ZNF385D: variants seen among roughly 807,000 people sequenced by gnomAD.
The protein encoded by ZNF385D is zinc finger protein 385D.
Under a neutral mutation model 35.8 loss-of-function variants are expected in ZNF385D, and 15 were observed. That is an observed-to-expected ratio of 0.42 (90% CI 0.28 to 0.64). ZNF385D has a LOEUF of 0.64. ZNF385D is among the 30% of genes least tolerant of loss of function. ZNF385D has a pLI of 0.23. For synonymous variants in ZNF385D, 212 were observed against 186.8 expected (o/e 1.13, Z -1.10); for missense variants, 474 against 494.6 (o/e 0.96, Z 0.39).
chr3:21,707,397 T>A (rs1257957732), intron 1 of ZNF385D, among the ~76,000 whole-genome samples: 5 of 152,176 alleles, frequency 3.3e-5, no homozygotes, highest in Non-Finnish European at 5.9e-5. Flanking sequence ...ACCGTTTAAC[T>A]TTGAAGTGTT....
intron 2 of ZNF385D, among the ~76,000 whole-genome samples, chr3:22,272,970 A>G (rs1448446158): frequency 6.6e-6 from 1 of 151,950 alleles, no homozygotes; most frequent in Admixed American, 6.6e-5. Context: ...TCACTTTCAT[A>G]TTTATTACTA....
intron 3 of ZNF385D, among the ~76,000 whole-genome samples, chr3:21,939,075 A>G (rs972411007): frequency 1.3e-5 from 2 of 152,140 alleles, no homozygotes; most frequent in Non-Finnish European, 1.5e-5. Context: ...CCATGCTGGC[A>G]ACTAAATGGG....
rs200803155 is a variant in ZNF385D, at chr3:21,724,477, CAAAAAAAAAAAAAAAAA to C, written c.22+26401_22+26417del. 1.1e-3 allele frequency among the ~76,000 whole-genome samples: 56 copies of C among 52,006 alleles called. 2 individuals carry two copies. In the South Asian group the frequency reaches 0.019, roughly 17 times the overall value. The allele number at this position is 52,006 out of a possible 152,430, so 34.1% of individuals were successfully genotyped here. A position where few individuals can be genotyped will look rare whatever the true frequency, so the allele number is the denominator to read the frequency against. ...AATATTTACCAAGCAAATGGAAAGCCAAAAAAAAAAAAAAAAAAAAAAAAAAAAAAAAAAAAAAAAAG... is the reference window on the plus strand; with the variant it reads ...AATATTTACCAAGCAAATGGAAAGCCAAAAAAAAAAAAAAAAAAAAAAAAG... On this transcript the variant is annotated intron_variant, in intron 1 of 7. Transcript: ENST00000281523.
intron 3 of ZNF385D, among the ~76,000 whole-genome samples, chr3:22,091,550 T>C (rs1701330737): frequency 6.6e-6 from 1 of 151,774 alleles, no homozygotes; most frequent in African/African-American, 2.4e-5. Context: ...ATGAAATACA[T>C]GAGTAGCCTG....
intron 2 of ZNF385D, among the ~76,000 whole-genome samples, chr3:21,588,095 G>C (rs940338246): frequency 6.6e-6 from 1 of 152,154 alleles, no homozygotes; most frequent in African/African-American, 2.4e-5. Context: ...CAATGAGTGT[G>C]CAGTCTAGTG....
chr3:22,095,085 T>C (rs779173), intron 3 of ZNF385D, among the ~76,000 whole-genome samples: 17,713 of 127,400 alleles, frequency 0.14, 1,463 homozygotes, highest in Middle Eastern at 0.25. Context: ...TTTTTCATTC[T>C]TTCTTTTTTT....
At chr3:21,427,674 T>C (rs1474753899) in intron 5 of ZNF385D, among the ~76,000 whole-genome samples, 2 of 152,146 alleles carry the variant, frequency 1.3e-5, no homozygotes, top group Non-Finnish European at 2.9e-5. Flanking sequence ...TCTCAGAATA[T>C]CTTTGGCAAG....
intron 2 of ZNF385D, among the ~76,000 whole-genome samples, chr3:22,194,143 A>C (rs1358567827): frequency 6.6e-6 from 1 of 151,086 alleles, no homozygotes; most frequent in Non-Finnish European, 1.5e-5. Flanking sequence ...AGAGTTTTAT[A>C]ATCTCTTATG....
chr3:21,527,000 T>C (rs1033378418), intron 3 of ZNF385D, among the ~76,000 whole-genome samples: 18 of 152,126 alleles, frequency 1.2e-4, no homozygotes, highest in Non-Finnish European at 2.6e-4. Context: ...TTAATAGCAT[T>C]AATAAGTTAT....
At chr3:21,941,740 G>A (rs1028750139) in intron 3 of ZNF385D, among the ~76,000 whole-genome samples, 13 of 151,740 alleles carry the variant, frequency 8.6e-5, no homozygotes, top group South Asian at 6.2e-4. Flanking sequence ...CTCGTGATCC[G>A]CCCACCTCGG....
intron 3 of ZNF385D, among the ~76,000 whole-genome samples, chr3:22,165,100 T>C (rs1461583977): frequency 6.6e-6 from 1 of 152,154 alleles, no homozygotes; most frequent in Non-Finnish European, 1.5e-5. Flanking sequence ...ATTACACATT[T>C]TGTAAACCCA....
chr3:22,106,367 T>A (rs904422025), intron 3 of ZNF385D, among the ~76,000 whole-genome samples: 2 of 151,898 alleles, frequency 1.3e-5, no homozygotes, highest in South Asian at 4.2e-4. Context: ...CATCTGCCCT[T>A]TGGTCACTGT....
chr3:21,518,546 CA>C (rs1370977557), intron 3 of ZNF385D, among the ~76,000 whole-genome samples: 1 of 152,186 alleles, frequency 6.6e-6, no homozygotes, highest in South Asian at 2.1e-4. Context: ...AAGCAAAAAT[CA>C]ACCCCTGTAT....
At chr3:22,178,335 G>C (rs1419102906) in intron 2 of ZNF385D, among the ~76,000 whole-genome samples, 2 of 152,206 alleles carry the variant, frequency 1.3e-5, no homozygotes, top group Admixed American at 1.3e-4. Context: ...CTGATGGCCA[G>C]TGATGATAAG....
chr3:21,858,113 G>T (rs1391233884), intron 3 of ZNF385D, among the ~76,000 whole-genome samples: 1 of 142,946 alleles, frequency 7.0e-6, no homozygotes, highest in Non-Finnish European at 1.5e-5. Context: ...AGTGGGCCAA[G>T]ATGGTGCTAC....
intron 3 of ZNF385D, among the ~76,000 whole-genome samples, chr3:21,781,752 A>G (rs961662101): frequency 9.2e-5 from 14 of 151,960 alleles, no homozygotes; most frequent in Non-Finnish European, 2.1e-4. Context: ...TATAAATATA[A>G]GCAGATATTT....
chr3:21,985,650 T>A (rs374954877), intron 3 of ZNF385D, among the ~76,000 whole-genome samples: 4 of 143,658 alleles, frequency 2.8e-5, no homozygotes, highest in Admixed American at 6.8e-5. Flanking sequence ...TGTCTCTGCC[T>A]GGCTTTGGTA....
chr3:21,449,518 A>G (rs1173162725), intron 4 of ZNF385D, among the ~76,000 whole-genome samples: 3 of 152,164 alleles, frequency 2.0e-5, no homozygotes, highest in Admixed American at 6.6e-5. Context: ...TTTAGGATAC[A>G]TGTTTGTATA....
chr3:21,522,604 C>T (rs1421026889), intron 3 of ZNF385D, among the ~76,000 whole-genome samples: 2 of 152,100 alleles, frequency 1.3e-5, no homozygotes, highest in Non-Finnish European at 2.9e-5. Context: ...TCCCAAAGTG[C>T]TAGGATTACA....
Sources: allele counts gnomAD v4.1 joint callset (sites outside exome capture counted in the v4.1 genomes callset), GRCh38; gene constraint gnomAD v4.1.1; transcripts MANE v1.5; gene names NCBI Gene and HGNC (gene_info 2026-07-23, HGNC 2026-07-21).